Variants in MYRFL observed in about 807,000 individuals in gnomAD.
MYRFL encodes the protein myelin regulatory factor like.
Under a neutral mutation model 109.4 loss-of-function variants are expected in MYRFL, and 88 were observed. The observed-to-expected ratio is 0.80, with a 90% confidence interval of 0.68 to 0.96. MYRFL has a LOEUF of 0.96. MYRFL is among the 40% of genes least tolerant of loss of function. The pLI is 0.00. For synonymous variants in MYRFL, 324 were observed against 320.9 expected (o/e 1.01, Z -0.10); for missense variants, 957 against 954.9 (o/e 1.00, Z -0.03).
intron 9 of MYRFL, among the ~76,000 whole-genome samples, chr12:69,896,045 A>G (rs546982564): frequency 1.3e-5 from 2 of 152,292 alleles, no homozygotes; most frequent in South Asian, 2.1e-4. Flanking sequence ...CCTCCAGGTG[A>G]CACTGATACA....
rs572179457 is a variant in MYRFL, at chr12:69,943,285, C to T, written c.2224+6653C>T. 1.4e-3 allele frequency among the ~76,000 whole-genome samples: 206 copies of T among 150,546 alleles called. 1 individual carries two copies. Among genetic ancestry groups the T allele is most frequent in the African/African-American group, 4.8e-3 (196 of 40,588 alleles). The stretch of plus-strand genomic sequence containing the variant: ...TCACACTACCTGACTTCAAACTATA[C>T]TACAAGGCTACAGTAACCAAAACAG... On this transcript the variant is annotated intron_variant, in intron 19 of 24. Coordinates refer to ENST00000552032, the MANE Select transcript of MYRFL (RefSeq NM_182530.3).
At chr12:69,827,500 G>A (rs558790752) in intron 1 of MYRFL, among the ~76,000 whole-genome samples, 2 of 152,054 alleles carry the variant, frequency 1.3e-5, no homozygotes, top group African/African-American at 4.8e-5. Context: ...AGCAGAAGAG[G>A]CGCAATCAGG....
Position 69,828,732 on chromosome 12 carries a change from G to A in MYRFL, c.46+3169G>A, listed in dbSNP as rs78919994. Reference sequence around the variant, plus strand: ...CCTTCTGGATGAAAAGGAATTAAAAGATGAAGTACAGTAAATCCCATTCCT... The same window carrying A: ...CCTTCTGGATGAAAAGGAATTAAAAAATGAAGTACAGTAAATCCCATTCCT... On this transcript the variant is annotated intron_variant, in intron 1 of 24. Transcript: ENST00000552032. 7.9e-3 allele frequency among the ~76,000 whole-genome samples: 1,203 copies of A among 152,166 alleles called. 11 individuals carry two copies. Among genetic ancestry groups the A allele is most frequent in the East Asian group, 0.047 (245 of 5,184 alleles).
intron 15 of MYRFL, among the ~76,000 whole-genome samples, chr12:69,929,896 G>T (rs550180399): frequency 2.6e-5 from 4 of 152,328 alleles, no homozygotes; most frequent in African/African-American, 9.6e-5. Context: ...TAAATTGATA[G>T]ATGTAAAGCA....
intron 1 of MYRFL, among the ~76,000 whole-genome samples, chr12:69,842,963 A>G (rs1010652982): frequency 5.9e-5 from 9 of 152,216 alleles, no homozygotes; most frequent in Non-Finnish European, 8.8e-5. Flanking sequence ...AATGAACACT[A>G]AGTAAATGTG....
intron 6 of MYRFL, among the ~76,000 whole-genome samples, chr12:69,888,331 T>C (rs1674576): frequency 0.99 from 150,772 of 152,314 alleles, 74,637 homozygotes; most frequent in Middle Eastern, 1. Flanking sequence ...AATTTCACTA[T>C]TTATATCAAT....
chr12:69,865,507 GGGA>G (rs1884967997), intron 2 of MYRFL, among the ~76,000 whole-genome samples: 1 of 152,010 alleles, frequency 6.6e-6, no homozygotes, highest in African/African-American at 2.4e-5. Context: ...AACCATCTTG[GGGA>G]AGAAGAATTA....
At chr12:69,914,524 T>C (rs888280030) in intron 13 of MYRFL, among the ~76,000 whole-genome samples, 18 of 152,178 alleles carry the variant, frequency 1.2e-4, no homozygotes, top group African/African-American at 2.7e-4. Context: ...AATGTGTAGG[T>C]AATGTCTTCC....
Position 69,854,154 on chromosome 12 carries a change from G to A in MYRFL, c.47-1126G>A, listed in dbSNP as rs146335146. Among the ~76,000 whole-genome samples the A allele has an allele frequency of 5.4e-4, 83 of 152,300 alleles. 1 individual carries two copies. In the East Asian group the frequency reaches 0.014, roughly 26 times the overall value. ...GCGGTCAGGAGCTGGAGACCAGTCC[G>A]GCCAACACGGGAAACCCCGTCTCCA... On this transcript the variant is annotated intron_variant, in intron 1 of 24. Coordinates refer to ENST00000552032, the MANE Select transcript of MYRFL (RefSeq NM_182530.3).
At position 69,915,856 on chromosome 12, in the gene MYRFL, T is replaced by C. The variant is rs143710147; in HGVS notation, c.1602+4926T>C. ...CAATTTTATTTGTTTCTGTGATTCT[T>C]TCAGGGCAGGTGATCACATTTTTTG... is the stretch of plus-strand genomic sequence containing the variant. On this transcript the variant is annotated intron_variant, in intron 13 of 24. Coordinates refer to ENST00000552032, the MANE Select transcript of MYRFL (RefSeq NM_182530.3). 3.5e-3 allele frequency among the ~76,000 whole-genome samples: 527 copies of C among 152,160 alleles called. 5 individuals carry two copies. The highest frequency in any genetic ancestry group is 6.1e-3 in the Non-Finnish European group (412 of 68,024).
rs112393606 is a variant in MYRFL, at chr12:69,853,284, G to A, written c.47-1996G>A. Among the ~76,000 whole-genome samples, 980 of 151,730 alleles carry A rather than the reference G, an allele frequency of 6.5e-3. 8 individuals carry two copies. The highest frequency in any genetic ancestry group is 0.022 in the African/African-American group (929 of 41,352). ...CTGCCCCCCATCTCCTGGACAGGGCGGCTGCCGGGCAGAGACGCTCCTCAC... is the reference window on the plus strand; with the variant it reads ...CTGCCCCCCATCTCCTGGACAGGGCAGCTGCCGGGCAGAGACGCTCCTCAC... On this transcript the variant is annotated intron_variant, in intron 1 of 24. Coordinates refer to ENST00000552032, the MANE Select transcript of MYRFL (RefSeq NM_182530.3).
intron 1 of MYRFL, among the ~76,000 whole-genome samples, chr12:69,831,020 C>A (rs1882598372): frequency 6.6e-6 from 1 of 151,976 alleles, no homozygotes; most frequent in Non-Finnish European, 1.5e-5. Flanking sequence ...ATATAGATAA[C>A]CTAAAAGAAG....
chr12:69,922,644 T>C (rs1207630502), intron 13 of MYRFL, among the ~76,000 whole-genome samples: 1 of 152,184 alleles, frequency 6.6e-6, no homozygotes, highest in African/African-American at 2.4e-5. Flanking sequence ...TTATTATATA[T>C]TGTCAATACT....
Position 69,949,877 on chromosome 12 carries a change from A to C in MYRFL, c.2225-2236A>C, listed in dbSNP as rs937616119. Among the ~76,000 whole-genome samples, 14 of 152,264 alleles carry C rather than the reference A, an allele frequency of 9.2e-5. No individual in the cohort carries two copies. In the East Asian group the frequency reaches 1.2e-3, roughly 13 times the overall value. On this transcript the variant is annotated intron_variant, in intron 19 of 24. Coordinates refer to ENST00000552032, the MANE Select transcript of MYRFL (RefSeq NM_182530.3). ...AGATGGTTTGAATTGGAAACTCTTT[A>C]TTCCTATCCACAAGCTGAGTCCTTA...
At chr12:69,873,319 C>A (rs35637757) in intron 2 of MYRFL, among the ~76,000 whole-genome samples, 1 of 152,092 alleles carries the variant, frequency 6.6e-6, no homozygotes, top group Non-Finnish European at 1.5e-5. Context: ...GGGCTGCATC[C>A]GTCCTGGGCT....
At chr12:69,859,046 T>A (rs6581909) in intron 2 of MYRFL, among the ~76,000 whole-genome samples, 49,266 of 151,662 alleles carry the variant, frequency 0.32, 8,257 homozygotes, top group Admixed American at 0.38. Context: ...TATATATATA[T>A]TTTTTTCAGT....
chr12:69,839,836 A>T (rs954310135), intron 1 of MYRFL, among the ~76,000 whole-genome samples: 1 of 152,124 alleles, frequency 6.6e-6, no homozygotes, highest in Admixed American at 6.5e-5. Flanking sequence ...TCCTTACTGG[A>T]TCTCCTGTGG....
chr12:69,928,518 C>T (rs1955169764), intron 15 of MYRFL, among the ~76,000 whole-genome samples: 1 of 152,220 alleles, frequency 6.6e-6, no homozygotes, highest in Non-Finnish European at 1.5e-5. Flanking sequence ...TTACTCTCTA[C>T]TCCTCATGCT....
intron 2 of MYRFL, among the ~76,000 whole-genome samples, chr12:69,870,821 C>A (rs895533382): frequency 6.6e-6 from 1 of 152,216 alleles, no homozygotes; most frequent in African/African-American, 2.4e-5. Context: ...CATCTTAAAA[C>A]CACCAACACA....
Sources: gnomAD v4.1 joint callset for allele counts (sites outside exome capture counted in the v4.1 genomes callset) on GRCh38, gnomAD v4.1.1 for gene constraint, MANE v1.5 for transcripts, NCBI Gene and HGNC (gene_info 2026-07-23, HGNC 2026-07-21) for gene names.